TFDP2: variants seen among roughly 807,000 people sequenced by gnomAD.
TFDP2 encodes transcription factor Dp-2, also known as transcription factor Dp-2 (E2F dimerization partner 2).
In TFDP2, 17 loss-of-function variants were observed where a neutral mutation model predicts 59.3. The ratio of observed to expected loss-of-function variants is 0.29; its 90% CI spans 0.20 to 0.43. The LOEUF (loss-of-function observed/expected upper bound fraction) is 0.43, where lower values mean the gene tolerates loss of function less well. TFDP2 is among the 20% of genes least tolerant of loss of function. The pLI is 1.00. For synonymous variants in TFDP2, 180 were observed against 194.7 expected (o/e 0.92, Z 0.63); for missense variants, 391 against 528.8 (o/e 0.74, Z 2.56).
rs190759774 is a variant in TFDP2 at position 142,016,044 on chromosome 3, C to T, written c.83-10500G>A. On this transcript the variant is annotated intron_variant, in intron 3 of 12. Coordinates refer to ENST00000489671, the MANE Select transcript of TFDP2 (RefSeq NM_001178139.2). ...TTTTTTCCTTAGAGATGGAGTCTTG[C>T]TCTGTCACCCAGGCTGGAGTATAGT... Among the ~76,000 whole-genome samples the T allele has an allele frequency of 2.6e-5, 4 of 152,294 alleles. No homozygotes were observed. In the East Asian group the frequency reaches 7.7e-4, roughly 29 times the overall value.
chr3:141,970,365 C>T (rs1159653482), intron 8 of TFDP2, among the ~76,000 whole-genome samples: 4 of 152,198 alleles, frequency 2.6e-5, no homozygotes, highest in African/African-American at 9.6e-5. Flanking sequence ...TGAAATCATA[C>T]ACTTAATGAA....
chr3:142,115,000 G>GA (rs1046233502), intron 1 of TFDP2, among the ~76,000 whole-genome samples: 1 of 150,380 alleles, frequency 6.6e-6, no homozygotes, highest in African/African-American at 2.4e-5. Flanking sequence ...ATGCTCATAA[G>GA]AAAAAAAAAC....
intron 3 of TFDP2, among the ~76,000 whole-genome samples, chr3:142,062,024 C>T (rs1050537222): frequency 7.9e-5 from 12 of 151,372 alleles, no homozygotes; most frequent in South Asian, 4.2e-4. Context: ...CCACCCGAGA[C>T]GGCAAAATCC....
chr3:141,992,468 T>G (rs1942877879), intron 6 of TFDP2, among the ~76,000 whole-genome samples: 1 of 152,216 alleles, frequency 6.6e-6, no homozygotes, highest in Non-Finnish European at 1.5e-5. Context: ...CAATCATAAC[T>G]GACAAATAGT....
intron 1 of TFDP2, among the ~76,000 whole-genome samples, chr3:142,139,381 T>G (rs2062853280): frequency 6.6e-6 from 1 of 152,244 alleles, no homozygotes; most frequent in South Asian, 2.1e-4. Flanking sequence ...AGGTTAATAT[T>G]GTTATGTGTG....
At chr3:142,082,609 G>A (rs1010998962) in intron 3 of TFDP2, among the ~76,000 whole-genome samples, 14 of 152,072 alleles carry the variant, frequency 9.2e-5, no homozygotes, top group African/African-American at 3.4e-4. Context: ...GTACACTGAT[G>A]CAAAAACCCT....
intron 8 of TFDP2, among the ~76,000 whole-genome samples, chr3:141,973,123 A>ATATATAT: frequency 7.8e-4 from 45 of 58,016 alleles, no homozygotes; most frequent in African/African-American, 2.7e-3. Flanking sequence ...ATATATATAT[A>ATATATAT]TTTTTTTTTT....
intron 1 of TFDP2, chr3:142,126,493 G>C (rs1365072310): frequency 6.6e-6 from 1 of 151,746 alleles, no homozygotes; most frequent in Non-Finnish European, 1.5e-5. Flanking sequence ...CCTTTCTATA[G>C]TTCTGAAACT....
At chr3:142,029,385 T>A (rs1946312741) in intron 3 of TFDP2, among the ~76,000 whole-genome samples, 1 of 152,078 alleles carries the variant, frequency 6.6e-6, no homozygotes, top group South Asian at 2.1e-4. Context: ...GTTCTAAAAT[T>A]TCCAGGTTAG....
chr3:142,057,396 TCTTGGATTAGCTCTGGTTCTTAG>T, intron 3 of TFDP2, among the ~76,000 whole-genome samples: 1 of 152,190 alleles, frequency 6.6e-6, no homozygotes, highest in Non-Finnish European at 1.5e-5. Context: ...AACTCTAAAA[TCTTGGATTAGCTCTGGTTCTTAG>T]CTCGATTTCA....
intron 1 of TFDP2, among the ~76,000 whole-genome samples, chr3:142,113,857 T>C (rs1412528865): frequency 6.6e-6 from 1 of 152,044 alleles, no homozygotes; most frequent in East Asian, 1.9e-4. Flanking sequence ...TAATAAGCAA[T>C]TCCTCAAAAT....
chr3:141,979,237 C>A (rs528374556), intron 6 of TFDP2, among the ~76,000 whole-genome samples: 1 of 152,108 alleles, frequency 6.6e-6, no homozygotes, highest in Non-Finnish European at 1.5e-5. Flanking sequence ...GTGATGCTGG[C>A]AAACAAACCT....
chr3:142,115,812 A>G lies in TFDP2; in HGVS notation c.-92-13971T>C, dbSNP rs116259518. 4.9e-3 allele frequency among the ~76,000 whole-genome samples: 744 copies of G among 152,248 alleles called. 9 individuals carry two copies. Among genetic ancestry groups the G allele is most frequent in the African/African-American group, 0.017 (715 of 41,560 alleles). The stretch of plus-strand genomic sequence containing the variant: ...TCTTGCAGTAACAGAACAGTTTTGT[A>G]TCTTGATTGTGGTGGTGGCTATACG... On this transcript the variant is annotated intron_variant, in intron 1 of 12. Coordinates refer to ENST00000489671, the MANE Select transcript of TFDP2 (RefSeq NM_001178139.2).
chr3:142,071,631 T>G (rs1332970708), intron 3 of TFDP2, among the ~76,000 whole-genome samples: 1 of 152,178 alleles, frequency 6.6e-6, no homozygotes, highest in Non-Finnish European at 1.5e-5. Context: ...AAATGGTTTA[T>G]AGTAGTCTGA....
Position 141,995,054 on chromosome 3 carries a change from T to C in TFDP2, c.274A>G (p.Thr92Ala). 6.2e-7 allele frequency: 1 copy of C among 1,610,114 alleles called. No individual in the cohort carries two copies. The highest frequency in any genetic ancestry group is 8.5e-7 in the Non-Finnish European group (1 of 1,177,844). ...YTPAPAMVTQ[T>A]HIAEATGWVP... Reference sequence around the variant, plus strand: ...CAGCCAGTAGCTTCTGCTATGTGTGTCTGAGTAACCATTGCTGGTGCAGGG... The same window carrying C: ...CAGCCAGTAGCTTCTGCTATGTGTGCCTGAGTAACCATTGCTGGTGCAGGG... The change falls in exon 5 of 13, where the codon ACA (threonine) becomes GCA (alanine). Residue 92 changes from threonine (T) to alanine (A), a missense_variant. Coordinates refer to ENST00000489671, the MANE Select transcript of TFDP2 (RefSeq NM_001178139.2).
chr3:142,097,982 G>T (rs2061214174), intron 2 of TFDP2, among the ~76,000 whole-genome samples: 7 of 152,150 alleles, frequency 4.6e-5, no homozygotes, highest in Admixed American at 3.9e-4. Context: ...TAGTAGAGAT[G>T]GGGTTTTACC....
intron 3 of TFDP2, among the ~76,000 whole-genome samples, chr3:142,070,619 GTTGAGTACCGTTACAT>G (rs1467269243): frequency 3.7e-4 from 56 of 152,278 alleles, no homozygotes; most frequent in African/African-American, 1.3e-3. Context: ...TATGAATGAG[GTTGAGTACCGTTACAT>G]ATGTGTAAGA....
Position 141,969,291 on chromosome 3 carries a change from C to T in TFDP2, c.732+782G>A, listed in dbSNP as rs558537640. Among the ~76,000 whole-genome samples, 46 of 119,134 alleles carry T rather than the reference C, an allele frequency of 3.9e-4. No individual in the cohort carries two copies. In the East Asian group the frequency reaches 8.1e-3, roughly 21 times the overall value. 78.2% of individuals were successfully genotyped at this position (119,134 alleles called of 152,430 possible). On this transcript the variant is annotated intron_variant, in intron 9 of 12. Coordinates refer to ENST00000489671, the MANE Select transcript of TFDP2 (RefSeq NM_001178139.2). ...TATATGAGATATATATATATATAACCGGCCTAAATTTTGGTATTTCTATAA... is the reference window on the plus strand; with the variant it reads ...TATATGAGATATATATATATATAACTGGCCTAAATTTTGGTATTTCTATAA...
intron 11 of TFDP2, among the ~76,000 whole-genome samples, chr3:141,955,580 G>C (rs187535038): frequency 1.3e-5 from 2 of 152,132 alleles, no homozygotes; most frequent in African/African-American, 4.8e-5. Flanking sequence ...GGTGCCAACC[G>C]AAGAACTAAA....
Sources: allele counts gnomAD v4.1 joint callset (sites outside exome capture counted in the v4.1 genomes callset), GRCh38; gene constraint gnomAD v4.1.1; transcripts MANE v1.5; gene names NCBI Gene and HGNC (gene_info 2026-07-23, HGNC 2026-07-21).